GPR141: variants seen among roughly 807,000 people sequenced by gnomAD.
The protein encoded by GPR141 is probable G protein-coupled receptor 141.
In GPR141, 6 loss-of-function variants were observed where a neutral mutation model predicts 6.8. The ratio of observed to expected loss-of-function variants is 0.88; its 90% CI spans 0.48 to 1.74. The LOEUF (loss-of-function observed/expected upper bound fraction) is 1.74, where lower values mean the gene tolerates loss of function less well. GPR141 is among the 40% of genes most tolerant of loss of function. The pLI is 0.01. For missense variants in GPR141, 372 were observed against 372.9 expected (o/e 1.00, Z 0.02); for synonymous variants, 140 against 142.3 (o/e 0.98, Z 0.11).
intron 2 of GPR141, among the ~76,000 whole-genome samples, chr7:37,713,888 T>C (rs1810923289): frequency 6.6e-6 from 1 of 152,236 alleles, no homozygotes; most frequent in Non-Finnish European, 1.5e-5. Flanking sequence ...TACTGCAGTA[T>C]TGATTGAGCA....
At chr7:37,719,577 T>C (rs1811215887) in intron 2 of GPR141, among the ~76,000 whole-genome samples, 1 of 152,174 alleles carries the variant, frequency 6.6e-6, no homozygotes, top group Non-Finnish European at 1.5e-5. Flanking sequence ...CTCAAAAATA[T>C]TGACACTCAC....
At chr7:37,738,631 G>A (rs139361372) in intron 2 of GPR141, among the ~76,000 whole-genome samples, 2,263 of 151,870 alleles carry the variant, frequency 0.015, 144 homozygotes, top group Admixed American at 0.11. Flanking sequence ...AAAAGGCTTT[G>A]TGAGGTTGGG....
intron 2 of GPR141, among the ~76,000 whole-genome samples, chr7:37,695,027 T>C (rs1160659598): frequency 6.6e-6 from 1 of 152,126 alleles, no homozygotes; most frequent in African/African-American, 2.4e-5. Context: ...CAGCCACGAC[T>C]GGGAGATGTA....
chr7:37,708,194 G>A (rs1810613486), intron 2 of GPR141, among the ~76,000 whole-genome samples: 1 of 150,970 alleles, frequency 6.6e-6, no homozygotes, highest in Non-Finnish European at 1.5e-5. Context: ...GAGGACATGT[G>A]GTTGAATCCA....
intron 2 of GPR141, among the ~76,000 whole-genome samples, chr7:37,699,898 T>C (rs1810203422): frequency 6.6e-6 from 1 of 152,238 alleles, no homozygotes; most frequent in Non-Finnish European, 1.5e-5. Flanking sequence ...TGCCATTTGC[T>C]TTTTCCATCT....
At chr7:37,685,072 A>G (rs778558051) in intron 1 of GPR141, 1 of 152,242 alleles carries the variant, frequency 6.6e-6, no homozygotes, top group Non-Finnish European at 1.5e-5. Context: ...TGGTACTTAC[A>G]TAACCATTTA....
At chr7:37,729,025 GCT>G (rs1274596773) in intron 2 of GPR141, among the ~76,000 whole-genome samples, 4 of 152,156 alleles carry the variant, frequency 2.6e-5, no homozygotes, top group African/African-American at 9.7e-5. Context: ...CAAGAAGCAA[GCT>G]GGAGGTATGA....
intron 2 of GPR141, among the ~76,000 whole-genome samples, chr7:37,696,093 C>T (rs758275243): frequency 6.6e-6 from 1 of 152,196 alleles, no homozygotes; most frequent in Non-Finnish European, 1.5e-5. Context: ...CAATGGTTGA[C>T]TTATAAGTTT....
intron 2 of GPR141, among the ~76,000 whole-genome samples, chr7:37,702,011 G>C (rs1455059442): frequency 6.6e-6 from 1 of 151,996 alleles, no homozygotes; most frequent in Non-Finnish European, 1.5e-5. Context: ...ATGGTTTAAG[G>C]CTTGTTTTGT....
chr7:37,742,564 A>C lies in GPR141; in HGVS notation c.*1253A>C, dbSNP rs13231324. Among the ~76,000 whole-genome samples, 14,213 of 152,176 alleles carry C rather than the reference A, an allele frequency of 0.093. 918 individuals are homozygous for C. Among genetic ancestry groups the C allele is most frequent in the East Asian group, 0.32 (1,635 of 5,182 alleles). On this transcript the variant is annotated 3_prime_UTR_variant, in exon 3 of 3. Coordinates refer to ENST00000334425, the MANE Select transcript of GPR141 (RefSeq NM_001381946.1). ...TCCAGGTTAAAATTATATATTTTTA[A>C]ATAAATGAAAACTGTGTTTTTAAAA...
At chr7:37,729,711 C>T (rs997771376) in intron 2 of GPR141, among the ~76,000 whole-genome samples, 2 of 152,186 alleles carry the variant, frequency 1.3e-5, no homozygotes, top group African/African-American at 4.8e-5. Flanking sequence ...TCTGTGTTTA[C>T]ACCTCAAAGA....
intron 2 of GPR141, among the ~76,000 whole-genome samples, chr7:37,691,796 T>G (rs1809782330): frequency 6.6e-6 from 1 of 152,156 alleles, no homozygotes; most frequent in African/African-American, 2.4e-5. Flanking sequence ...GGTGTAGTCT[T>G]GAGTGGAGTT....
chr7:37,703,575 T>C (rs1810390900), intron 2 of GPR141, among the ~76,000 whole-genome samples: 1 of 152,218 alleles, frequency 6.6e-6, no homozygotes, highest in African/African-American at 2.4e-5. Flanking sequence ...GAAACAGAAT[T>C]GAATCCAAAC....
intron 2 of GPR141, among the ~76,000 whole-genome samples, chr7:37,695,671 T>G (rs139598346): frequency 5.5e-4 from 84 of 152,344 alleles, no homozygotes; most frequent in Middle Eastern, 3.4e-3. Flanking sequence ...GCCACTCTGC[T>G]TTAGCCTTTT....
rs1414204427 is a variant in GPR141, at chr7:37,741,741, A to G, written c.*430A>G. ...TAAATTCTGGCCACCACCCAGCTCC[A>G]AAGACACAAACTCTCCTTCGCTAAC... On this transcript the variant is annotated 3_prime_UTR_variant, in exon 3 of 3. Transcript: ENST00000334425. Among the ~76,000 whole-genome samples, 1 of 152,204 alleles carries G rather than the reference A, an allele frequency of 6.6e-6. No homozygotes were observed. The highest frequency in any genetic ancestry group is 1.5e-5 in the Non-Finnish European group (1 of 68,030).
At chr7:37,717,731 A>G (rs762126542) in intron 2 of GPR141, among the ~76,000 whole-genome samples, 1 of 152,166 alleles carries the variant, frequency 6.6e-6, no homozygotes, top group African/African-American at 2.4e-5. Context: ...TACCTTCATG[A>G]ATTTCTACAA....
Position 37,740,986 on chromosome 7 carries a change from T to A in GPR141, c.593T>A (p.Val198Asp), listed in dbSNP as rs754777360. The change falls in exon 3 of 3, where the codon GTC (valine) becomes GAC (aspartate). Residue 198 changes from valine to aspartate, a missense_variant. By Grantham distance (152) the Val-to-Asp change is radical (BLOSUM62 -3). Transcript: ENST00000334425. ...ATAGCCGTTGCTGTGATTCTGTTGG[T>A]CTTCCAGGTCTTCATCATTATGTTG... ...FVIAVAVILL[V>D]FQVFIIMLMV... The A allele has an allele frequency of 1.2e-6, 2 of 1,614,038 alleles. No individual in the cohort carries two copies. The highest frequency in any genetic ancestry group is 2.2e-5 in the East Asian group (1 of 44,884).
chr7:37,738,270 C>T (rs28689181), intron 2 of GPR141, among the ~76,000 whole-genome samples: 11,414 of 152,154 alleles, frequency 0.075, 718 homozygotes, highest in African/African-American at 0.17. Flanking sequence ...TATCTGGCAA[C>T]GATCATGGCA....
chr7:37,702,465 T>A (rs556585278), intron 2 of GPR141, among the ~76,000 whole-genome samples: 1 of 152,176 alleles, frequency 6.6e-6, no homozygotes, highest in South Asian at 2.1e-4. Context: ...AGATATACAC[T>A]CTATTTTTAC....
Sources: allele counts gnomAD v4.1 joint callset (sites outside exome capture counted in the v4.1 genomes callset), GRCh38; gene constraint gnomAD v4.1.1; transcripts MANE v1.5; gene names NCBI Gene and HGNC (gene_info 2026-07-23, HGNC 2026-07-21).